Variants in FGD3 observed in about 807,000 individuals in gnomAD.
The protein encoded by FGD3 is FYVE, RhoGEF and PH domain containing 3, also known as FYVE, RhoGEF and PH domain-containing protein 3.
FGD3 carries 45 observed loss-of-function variants against 71.8 expected under a neutral mutation model. The ratio of observed to expected loss-of-function variants is 0.63; its 90% CI spans 0.49 to 0.80. The LOEUF (loss-of-function observed/expected upper bound fraction) is 0.80, where lower values mean the gene tolerates loss of function less well. FGD3 is among the 30% of genes least tolerant of loss of function. FGD3 has a pLI of 0.00. For missense variants in FGD3, 844 were observed against 951.5 expected (o/e 0.89, Z 1.49); for synonymous variants, 378 against 392.8 (o/e 0.96, Z 0.44).
Position 93,029,991 on chromosome 9 carries a change from G to T in FGD3, c.1675G>T (p.Gly559Trp). The change falls in exon 15 of 18, where the codon GGG becomes TGG. Residue 559 changes from glycine (G) to tryptophan (W), a missense_variant. By Grantham distance (184) the Gly-to-Trp change is radical. Coordinates refer to ENST00000375482, the MANE Select transcript of FGD3 (RefSeq NM_001083536.2). ...GAGGAGGCATCACTGCAAGCTGTGT[G>T]GGGCGGTGAGTCCCGGGAGAGGGGG... Reference protein sequence around the residue: ...TKRRHHCKLCGAVICGKCSEF... With the variant: ...TKRRHHCKLCWAVICGKCSEF... 6.2e-7 allele frequency: 1 copy of T among 1,612,064 alleles called. No individual in the cohort carries two copies. The highest frequency in any genetic ancestry group is 1.1e-5 in the South Asian group (1 of 90,978).
chr9:93,015,603 A>G (rs987481836), intron 9 of FGD3, 134 bp from the exon 10 acceptor site: 11 of 592,038 alleles, frequency 1.9e-5, no homozygotes, highest in Admixed American at 5.9e-5. Flanking sequence ...ATTACTGCAC[A>G]TATCTTTTAA....
Position 93,006,166 on chromosome 9 carries a change from G to A in FGD3, c.823G>A (p.Val275Ile), listed in dbSNP as rs3802384. ...TQRSPLFKDV[V>I]HSIQKQEVCG... ...GCGCTCCCCACTGTTTAAAGACGTC[G>A]TCCACAGCATCCAGGTAAGGCCGGC... Residue 275 changes from valine to isoleucine, a missense_variant, in exon 6 of 18, where the codon GTC becomes ATC. Val to Ile is a conservative substitution (Grantham distance 29). Coordinates refer to ENST00000375482, the MANE Select transcript of FGD3 (RefSeq NM_001083536.2). 66,047 of 1,585,996 alleles carry A rather than the reference G, an allele frequency of 0.042. 3,646 individuals are homozygous for A. Among genetic ancestry groups the A allele is most frequent in the Admixed American group, 0.24 (13,317 of 56,130 alleles).
intron 14 of FGD3, among the ~76,000 whole-genome samples, chr9:93,024,192 G>A (rs1374951585): frequency 1.3e-5 from 2 of 152,220 alleles, no homozygotes; most frequent in Non-Finnish European, 2.9e-5. Context: ...CTTTTCTGGA[G>A]CATTTAGGAA....
intron 3 of FGD3, among the ~76,000 whole-genome samples, chr9:92,985,758 A>G (rs963046053): frequency 1.1e-4 from 16 of 152,124 alleles, no homozygotes; most frequent in Admixed American, 9.2e-4. Context: ...GATTACAAGC[A>G]TGAACCACCG....
intron 3 of FGD3, among the ~76,000 whole-genome samples, chr9:93,000,000 T>G (rs1486255102): frequency 6.6e-6 from 1 of 152,118 alleles, no homozygotes; most frequent in Non-Finnish European, 1.5e-5. Flanking sequence ...GTCTTATAGG[T>G]TTTTTGTGTC....
At chr9:92,954,412 G>A (rs1859011476) in intron 1 of FGD3, among the ~76,000 whole-genome samples, 2 of 152,312 alleles carry the variant, frequency 1.3e-5, no homozygotes, top group African/African-American at 4.8e-5. Context: ...GTTCTGGGAA[G>A]GATCCAAGAG....
chr9:93,019,897 C>T lies in FGD3; in HGVS notation c.1386+36C>T. On this transcript the variant is annotated intron_variant, in intron 12 of 17. Coordinates refer to ENST00000375482, the MANE Select transcript of FGD3 (RefSeq NM_001083536.2). ...TAAAGTTGTAAAGTAACCAAATGAC[C>T]AAGTGATTGAGCAGTAAGGCCATTC... The T allele has an allele frequency of 2.5e-6, 4 of 1,611,040 alleles. No homozygotes were observed. In the South Asian group the frequency reaches 4.4e-5, roughly 18 times the overall value.
intron 3 of FGD3, among the ~76,000 whole-genome samples, chr9:92,992,856 G>T (rs945285822): frequency 1.3e-5 from 2 of 152,172 alleles, no homozygotes; most frequent in African/African-American, 4.8e-5. Flanking sequence ...TCTCCAAACT[G>T]GGCTTGGGGC....
intron 11 of FGD3, 134 bp from the exon 12 acceptor site, chr9:93,019,697 G>A: frequency 2.3e-6 from 2 of 866,122 alleles, no homozygotes; most frequent in Admixed American, 1.9e-5. Flanking sequence ...GGCCCTTGGG[G>A]CCAATCTTCC....
At chr9:93,002,834 C>A (rs1860906555) in intron 3 of FGD3, 91 bp from the exon 4 acceptor site, 5 of 1,312,480 alleles carry the variant, frequency 3.8e-6, no homozygotes, top group African/African-American at 1.5e-5. Context: ...CCCTGTGGCC[C>A]CTGGTTCTCC....
chr9:92,958,956 A>G (rs1859115362), intron 1 of FGD3, among the ~76,000 whole-genome samples: 1 of 152,050 alleles, frequency 6.6e-6, no homozygotes, highest in South Asian at 2.1e-4. Context: ...AATTTATTTT[A>G]TTTTATTATT....
Position 92,985,991 on chromosome 9 carries a change from C to T in FGD3, c.453+9282C>T, listed in dbSNP as rs139201276. Among the ~76,000 whole-genome samples, 177 of 152,222 alleles carry T rather than the reference C, an allele frequency of 1.2e-3. 2 individuals are homozygous for T. The highest frequency in any genetic ancestry group is 6.8e-3 in the Middle Eastern group (2 of 294). On this transcript the variant is annotated intron_variant, in intron 3 of 17. Transcript: ENST00000375482. The stretch of plus-strand genomic sequence containing the variant: ...TCATCCTTAGGGTTCCAGAATGAAC[C>T]AGTCTTACTGTGTACCCTTAACCTT...
At chr9:92,976,730 C>T (rs1290756612) in intron 3 of FGD3, 21 bp downstream of exon 3, 20 of 1,542,870 alleles carry the variant, frequency 1.3e-5, no homozygotes, top group Middle Eastern at 1.7e-4. Context: ...CCTTCTCTGT[C>T]CCCGCTGCGG....
intron 3 of FGD3, among the ~76,000 whole-genome samples, chr9:92,991,902 T>C (rs558384899): frequency 6.6e-6 from 1 of 152,316 alleles, no homozygotes; most frequent in South Asian, 2.1e-4. Flanking sequence ...TTATGTAATG[T>C]CTTTCTTTGT....
intron 12 of FGD3, 68 bp from the exon 13 acceptor site, chr9:93,020,249 C>G (rs1005348689): frequency 7.0e-7 from 1 of 1,436,076 alleles, no homozygotes; most frequent in African/African-American, 1.4e-5. Context: ...GAGGCAGGCG[C>G]GTCCCTCCTG....
At chr9:92,958,892 C>CA (rs1859114349) in intron 1 of FGD3, among the ~76,000 whole-genome samples, 7 of 152,310 alleles carry the variant, frequency 4.6e-5, no homozygotes, top group Admixed American at 4.6e-4. Flanking sequence ...TCTATTAGTT[C>CA]ATTGATTTCC....
rs900710473 is a variant in FGD3 at position 93,014,861 on chromosome 9, C to T, written c.1182+863C>T. On this transcript the variant is annotated intron_variant, in intron 9 of 17. Coordinates refer to ENST00000375482, the MANE Select transcript of FGD3 (RefSeq NM_001083536.2). ...TTCACCATGTTTATCAGTCTGGTCT[C>T]GAGCTCCTGACCTCAGGTGATCCAC... 5.9e-5 allele frequency among the ~76,000 whole-genome samples: 9 copies of T among 151,960 alleles called. No individual in the cohort carries two copies. The South Asian group carries it at 1.0e-3, about 18-fold the overall frequency.
intron 14 of FGD3, among the ~76,000 whole-genome samples, chr9:93,027,441 C>A (rs954686049): frequency 6.6e-6 from 1 of 152,138 alleles, no homozygotes; most frequent in Non-Finnish European, 1.5e-5. Context: ...ATGGTCTTCC[C>A]TCTGTGTCTC....
chr9:93,021,263 G>A (rs1481897864), intron 13 of FGD3, among the ~76,000 whole-genome samples: 7 of 152,188 alleles, frequency 4.6e-5, no homozygotes, highest in South Asian at 2.1e-4. Context: ...CCATCCTCAC[G>A]TGGAGCTGCC....
Sources: allele counts gnomAD v4.1 joint callset (sites outside exome capture counted in the v4.1 genomes callset), GRCh38; gene constraint gnomAD v4.1.1; transcripts MANE v1.5; gene names NCBI Gene and HGNC (gene_info 2026-07-23, HGNC 2026-07-21).